Variants in PZP observed in about 807,000 individuals in gnomAD.
The protein encoded by PZP is PZP alpha-2-macroglobulin like.
Under a neutral mutation model 179.8 loss-of-function variants are expected in PZP, and 150 were observed. The observed-to-expected ratio is 0.83, with a 90% CI of 0.73 to 0.96. PZP has a LOEUF of 0.96. Ranked by LOEUF, PZP falls within the 40% of genes least tolerant of loss-of-function variation. PZP has a pLI of 0.00. For missense variants in PZP, 1,689 were observed against 1,764.0 expected, an observed-to-expected ratio of 0.96 and a Z score of 0.76; for synonymous variants, 624 against 652.3, an observed-to-expected ratio of 0.96 and a Z score of 0.66.
chr12:9,194,928 T>C (rs1169813003), intron 10 of PZP, among the ~76,000 whole-genome samples: 1 of 152,202 alleles, frequency 6.6e-6, no homozygotes, highest in Non-Finnish European at 1.5e-5. Context: ...GTTACTTCTC[T>C]GCGCTTCAGT....
At chr12:9,158,634 GT>G (rs1415446420) in intron 25 of PZP, 58 bp from the exon 26 acceptor site, 1 of 1,549,636 alleles carries the variant, frequency 6.5e-7, no homozygotes, top group Non-Finnish European at 8.8e-7. Context: ...TTACTGCTCT[GT>G]TTTGTACACA....
At chr12:9,145,669 G>A (rs1008144317), downstream of PZP, among the ~76,000 whole-genome samples, 6 of 152,098 alleles carry the variant, frequency 3.9e-5, no homozygotes, top group African/African-American at 1.4e-4. Context: ...TTGTGTTGCT[G>A]TTTAGTGTCC....
intron 13 of PZP, among the ~76,000 whole-genome samples, chr12:9,185,989 G>A (rs918715658): frequency 6.6e-6 from 1 of 151,758 alleles, no homozygotes; most frequent in Non-Finnish European, 1.5e-5. Context: ...TGTATTTTTA[G>A]TAGAGATGGG....
chr12:9,173,968 C>T (rs1309869063), intron 15 of PZP, among the ~76,000 whole-genome samples: 1 of 152,202 alleles, frequency 6.6e-6, no homozygotes, highest in African/African-American at 2.4e-5. Flanking sequence ...TCCTCGCTAA[C>T]TCATTCTATG....
chr12:9,149,929 T>C (rs974455544), intron 34 of PZP, among the ~76,000 whole-genome samples: 14 of 152,142 alleles, frequency 9.2e-5, no homozygotes, highest in African/African-American at 3.4e-4. Flanking sequence ...CTCCCTTAAT[T>C]ACTTTTCAAA....
chr12:9,194,470 T>G lies in PZP; in HGVS notation c.1093-232A>C, dbSNP rs944200711. Among the ~76,000 whole-genome samples the G allele has an allele frequency of 5.8e-4, 87 of 148,908 alleles. 1 individual carries two copies. The highest frequency in any genetic ancestry group is 1.5e-3 in the South Asian group (7 of 4,578). ...TCCAGTAAAGTCAGGGAGTTTTTTT[T>G]TTTTTTTTTTTTGAGACGGAGTCTC... On this transcript the variant is annotated intron_variant, in intron 10 of 35. Coordinates refer to ENST00000261336, the MANE Select transcript of PZP (RefSeq NM_002864.3).
At chr12:9,168,364 G>A (rs41393747) in intron 17 of PZP, 5,887 of 152,418 alleles carry the variant, frequency 0.039, 394 homozygotes, top group African/African-American at 0.13. Flanking sequence ...GCTGGGTAGT[G>A]TTCAAGTGTA....
chr12:9,168,667 G>A (rs1941759880), intron 17 of PZP: 2 of 493,622 alleles, frequency 4.1e-6, no homozygotes. Context: ...GTGCCCTGAA[G>A]TATCGGATGT....
intron 1 of PZP, among the ~76,000 whole-genome samples, chr12:9,208,039 A>G (rs1371194829): frequency 1.3e-5 from 2 of 152,202 alleles, no homozygotes; most frequent in African/African-American, 4.8e-5. Flanking sequence ...CTTCCTAGTG[A>G]CTAATCGTAT....
rs749715480 is a variant in PZP, at chr12:9,196,704, C to T, written c.868-19G>A. On this transcript the variant is annotated intron_variant, in intron 8 of 35. Coordinates refer to ENST00000261336, the MANE Select transcript of PZP (RefSeq NM_002864.3). ...TGTTAAGCTGAGAAAAATACCAAAA[C>T]CAATAAATGTCAAACTGATTGAGAT... 25 of 1,535,422 alleles carry T rather than the reference C, an allele frequency of 1.6e-5. No homozygotes were observed. In the African/African-American group the frequency reaches 2.2e-4, roughly 13 times the overall value.
chr12:9,169,698 T>C, intron 15 of PZP, 107 bp from the exon 16 acceptor site: 1 of 1,062,704 alleles, frequency 9.4e-7, no homozygotes, highest in Non-Finnish European at 1.3e-6. Context: ...CTTGAGTACG[T>C]TCATGTAGTT....
At chr12:9,201,641 G>A (rs908968310) in intron 4 of PZP, among the ~76,000 whole-genome samples, 2 of 152,016 alleles carry the variant, frequency 1.3e-5, no homozygotes, top group African/African-American at 4.8e-5. Context: ...AATTCTCCTA[G>A]TGAATAATAT....
rs368077338 is a variant in PZP, at chr12:9,194,069, A to G, written c.1254+8T>C. ...TTTGTCCTCAGAGATTTGTCTTTCT[A>G]TACTTACCCGGACAAAAAGTTTATT... On this transcript the variant is annotated splice_region_variant and intron_variant, in intron 11 of 35. Transcript: ENST00000261336. The G allele has an allele frequency of 7.5e-6, 12 of 1,610,658 alleles. No individual in the cohort carries two copies. Among genetic ancestry groups the G allele is most frequent in the East Asian group, 2.2e-5 (1 of 44,850 alleles).
intron 1 of PZP, 71 bp downstream of exon 1, chr12:9,208,188 G>T: frequency 8.5e-7 from 1 of 1,174,254 alleles, no homozygotes; most frequent in Non-Finnish European, 1.3e-6. Flanking sequence ...ATTTACAAAG[G>T]AAGGCAAAGC....
intron 1 of PZP, 59 bp from the exon 2 acceptor site, chr12:9,204,010 A>G (rs1944324042): frequency 1.4e-6 from 2 of 1,451,706 alleles, no homozygotes; most frequent in Non-Finnish European, 1.9e-6. Flanking sequence ...GTTTTCATCC[A>G]TAAATGTGTT....
chr12:9,195,105 C>T (rs1592549190), intron 10 of PZP, among the ~76,000 whole-genome samples: 1 of 151,446 alleles, frequency 6.6e-6, no homozygotes, highest in Non-Finnish European at 1.5e-5. Context: ...GAATTTTTAG[C>T]AAAAAAAGGA....
At position 9,159,967 on chromosome 12, in the gene PZP, T is replaced by C. The variant is rs144009049; in HGVS notation, c.3108A>G (p.Glu1036=). 6.0e-5 allele frequency: 97 copies of C among 1,613,856 alleles called. No homozygotes were observed. In the African/African-American group the frequency reaches 1.0e-3, roughly 17 times the overall value. Residue 1036 remains glutamate, a synonymous_variant, in exon 25 of 36, where the codon GAA becomes GAG. Transcript: ENST00000261336. ...TGTTGCCCTGGTTCCTGCCATATCGTTCCCCAAAGGTGCTGTAGGAGCCAT... is the reference window on the plus strand; with the variant it reads ...TGTTGCCCTGGTTCCTGCCATATCGCTCCCCAAAGGTGCTGTAGGAGCCAT... ...HQDGSYSTFG[E]RYGRNQGNTW...
chr12:9,184,560 C>T (rs1017013846), intron 13 of PZP, among the ~76,000 whole-genome samples: 4 of 152,234 alleles, frequency 2.6e-5, no homozygotes, highest in African/African-American at 7.2e-5. Context: ...AGCTGATGAG[C>T]GTGTACCCCA....
the PZP span, among the ~76,000 whole-genome samples, chr12:9,136,616 T>G: frequency 1.3e-5 from 2 of 152,188 alleles, no homozygotes; most frequent in Non-Finnish European, 2.9e-5. Context: ...CATGTTTCCA[T>G]AGCAGTTGCA....
Sources: gnomAD v4.1 joint callset for allele counts (sites outside exome capture counted in the v4.1 genomes callset) on GRCh38, gnomAD v4.1.1 for gene constraint, MANE v1.5 for transcripts, NCBI Gene and HGNC (gene_info 2026-07-23, HGNC 2026-07-21) for gene names.